The following CCDC60 variants were observed in gnomAD, a reference collection of about 807,000 sequenced individuals.
The protein encoded by CCDC60 is coiled-coil domain containing 60.
A neutral mutation model predicts 63.5 loss-of-function variants in CCDC60; 54 were observed. That is an observed-to-expected ratio of 0.85 (90% CI 0.68 to 1.07). CCDC60 has a LOEUF of 1.07. Among genes scored for constraint, CCDC60 ranks in the 50% least tolerant of loss-of-function variants. The probability of loss-of-function intolerance (pLI) is 0.00; values close to 1 mark genes in which losing one functional copy is unlikely to be tolerated. For missense variants in CCDC60, 651 were observed against 684.3 expected, an observed-to-expected ratio of 0.95 and a Z score of 0.54; for synonymous variants, 206 against 238.8, an observed-to-expected ratio of 0.86 and a Z score of 1.27.
intron 1 of CCDC60, among the ~76,000 whole-genome samples, chr12:119,417,955 A>G (rs932659072): frequency 1.3e-4 from 20 of 152,204 alleles, no homozygotes; most frequent in African/African-American, 4.3e-4. Context: ...TAACTGCAGC[A>G]AAGGAAAACC....
At chr12:119,487,326 CT>C (rs2136371249) in intron 4 of CCDC60, among the ~76,000 whole-genome samples, 2 of 144,864 alleles carry the variant, frequency 1.4e-5, no homozygotes, top group African/African-American at 5.1e-5. Context: ...GAGATGAAGT[CT>C]TGCTCTGTCA....
chr12:119,335,827 T>G (rs11612947), intron 1 of CCDC60, among the ~76,000 whole-genome samples: 47,419 of 149,830 alleles, frequency 0.32, 8,038 homozygotes, highest in East Asian at 0.59. Flanking sequence ...GTCAATTTTG[T>G]CTTTTGTTGC....
chr12:119,395,757 G>A (rs187717200), intron 1 of CCDC60, among the ~76,000 whole-genome samples: 32 of 152,168 alleles, frequency 2.1e-4, no homozygotes, highest in Admixed American at 1.6e-3. Context: ...CCCAGCTCAG[G>A]AGGTGAGAAG....
chr12:119,431,665 TTGTG>T (rs1006962233), intron 2 of CCDC60, among the ~76,000 whole-genome samples: 2 of 146,020 alleles, frequency 1.4e-5, no homozygotes, highest in African/African-American at 5.0e-5. Context: ...TTTTCTGTGT[TTGTG>T]TTTGTTTGTT....
At chr12:119,491,247 A>G (rs1162603554) in intron 5 of CCDC60, among the ~76,000 whole-genome samples, 1 of 152,196 alleles carries the variant, frequency 6.6e-6, no homozygotes, top group Non-Finnish European at 1.5e-5. Flanking sequence ...ATTAACAGAC[A>G]CTGAGGTCAT....
chr12:119,421,076 T>C (rs1311026238), intron 1 of CCDC60, among the ~76,000 whole-genome samples: 1 of 152,168 alleles, frequency 6.6e-6, no homozygotes, highest in Non-Finnish European at 1.5e-5. Flanking sequence ...TCCCAGCTGT[T>C]TCCCTGATGT....
At chr12:119,401,824 C>A (rs1389891381) in intron 1 of CCDC60, among the ~76,000 whole-genome samples, 1 of 152,204 alleles carries the variant, frequency 6.6e-6, no homozygotes. Flanking sequence ...GTGTCATGAG[C>A]AAAAGGCAGA....
intron 1 of CCDC60, among the ~76,000 whole-genome samples, chr12:119,398,604 T>C (rs907210053): frequency 6.6e-6 from 1 of 152,242 alleles, no homozygotes; most frequent in Non-Finnish European, 1.5e-5. Context: ...CACTGCTCTC[T>C]ATCCTGGGCA....
In CCDC60 at chr12:119,524,718, TTTC is replaced by T. The variant is rs1307334538; in HGVS notation, c.1229+903_1229+905del. ...GAAACAGCAGTTTCTTTTCTTTTCT[TTTC>T]TTTTTTTTTTTTTTTTTTTGAGACA... On this transcript the variant is annotated intron_variant, in intron 11 of 13. Coordinates refer to ENST00000327554, the MANE Select transcript of CCDC60 (RefSeq NM_178499.5). Among the ~76,000 whole-genome samples, 78 of 142,300 alleles carry T rather than the reference TTTC, an allele frequency of 5.5e-4. 1 individual carries two copies. The highest frequency in any genetic ancestry group is 1.9e-3 in the African/African-American group (70 of 36,570). The allele number at this position is 142,300 out of a possible 152,430, so 93.4% of individuals were successfully genotyped here. A position where few individuals can be genotyped will look rare whatever the true frequency, so the allele number is the denominator to read the frequency against.
chr12:119,422,787 TA>T (rs1168202925), intron 1 of CCDC60, among the ~76,000 whole-genome samples: 33 of 152,356 alleles, frequency 2.2e-4, no homozygotes, highest in Non-Finnish European at 5.9e-5. Flanking sequence ...TATTTTCTCC[TA>T]ATTTTTTTTA....
intron 11 of CCDC60, 139 bp downstream of exon 11, chr12:119,523,957 G>A: frequency 1.3e-6 from 1 of 779,790 alleles, no homozygotes; most frequent in Non-Finnish European, 2.0e-6. Context: ...ACAGTCTTCT[G>A]GAAAATATGG....
At chr12:119,472,732 C>G (rs1213928395) in intron 3 of CCDC60, among the ~76,000 whole-genome samples, 3 of 152,028 alleles carry the variant, frequency 2.0e-5, no homozygotes, top group Non-Finnish European at 2.9e-5. Flanking sequence ...AGGTGCCCAC[C>G]ACCACGCCTG....
chr12:119,515,397 T>C (rs1233075242), intron 7 of CCDC60, among the ~76,000 whole-genome samples: 1 of 151,180 alleles, frequency 6.6e-6, no homozygotes, highest in East Asian at 1.9e-4. Flanking sequence ...CTCGGCTCAC[T>C]GCAGCCTTGA....
intron 1 of CCDC60, among the ~76,000 whole-genome samples, chr12:119,382,355 C>T (rs1956016009): frequency 6.6e-6 from 1 of 152,220 alleles, no homozygotes; most frequent in African/African-American, 2.4e-5. Flanking sequence ...GCACTGGTCA[C>T]TGTGGGTACA....
At chr12:119,505,682 C>T (rs186313110) in intron 7 of CCDC60, among the ~76,000 whole-genome samples, 12 of 152,234 alleles carry the variant, frequency 7.9e-5, no homozygotes, top group East Asian at 7.7e-4. Context: ...ATGGTGAAAC[C>T]CTGTCTCTAC....
At chr12:119,337,285 T>C (rs1448489628) in intron 1 of CCDC60, among the ~76,000 whole-genome samples, 4 of 151,938 alleles carry the variant, frequency 2.6e-5, no homozygotes, top group Admixed American at 6.6e-5. Flanking sequence ...GGTGGGAGAA[T>C]GAATGAGGGA....
In CCDC60 at chr12:119,406,126, G is replaced by A. The variant is rs143090313; in HGVS notation, c.91-22557G>A. On this transcript the variant is annotated intron_variant, in intron 1 of 13. Coordinates refer to ENST00000327554, the MANE Select transcript of CCDC60 (RefSeq NM_178499.5). ...GCAGAGATTGTGGTGAGCAGAGATC[G>A]TGCCATTGCACTCCAGCCTGGGCAA... Among the ~76,000 whole-genome samples, 659 of 152,070 alleles carry A rather than the reference G, an allele frequency of 4.3e-3. 3 individuals are homozygous for A. Among genetic ancestry groups the A allele is most frequent in the African/African-American group, 0.014 (591 of 41,442 alleles).
intron 1 of CCDC60, among the ~76,000 whole-genome samples, chr12:119,400,846 C>T (rs1427720349): frequency 1.3e-5 from 2 of 152,116 alleles, no homozygotes; most frequent in Admixed American, 1.3e-4. Context: ...TCCCGGAGAG[C>T]CCATTTGGGC....
At chr12:119,430,159 G>C (rs555043908) in intron 2 of CCDC60, among the ~76,000 whole-genome samples, 107 of 141,010 alleles carry the variant, frequency 7.6e-4, no homozygotes, top group African/African-American at 2.8e-3. Flanking sequence ...ACTAAATTGT[G>C]CCCCTGCCAC....
Sources: gnomAD v4.1 joint callset for allele counts (sites outside exome capture counted in the v4.1 genomes callset) on GRCh38, gnomAD v4.1.1 for gene constraint, MANE v1.5 for transcripts, NCBI Gene and HGNC (gene_info 2026-07-23, HGNC 2026-07-21) for gene names.